ATP5MC2: variants seen among roughly 807,000 people sequenced by gnomAD.
ATP5MC2 encodes ATP synthase F(0) complex subunit C2, mitochondrial.
A neutral mutation model predicts 13.5 loss-of-function variants in ATP5MC2; 11 were observed. The observed-to-expected ratio is 0.81, with a 90% confidence interval of 0.51 to 1.35. The LOEUF is 1.35. Ranked by LOEUF, ATP5MC2 falls within the 40% of genes most tolerant of loss-of-function variation. The pLI is 0.00. For missense variants in ATP5MC2, 132 were observed against 175.0 expected (o/e 0.75, Z 1.39); for synonymous variants, 64 against 69.7 (o/e 0.92, Z 0.41).
intron 2 of ATP5MC2, among the ~76,000 whole-genome samples, chr12:53,671,240 T>G (rs1328844196): frequency 2.0e-5 from 3 of 152,240 alleles, no homozygotes; most frequent in Non-Finnish European, 4.4e-5. Context: ...CAGCAGTGTA[T>G]TCTCAGGATA....
chr12:53,667,950 C>CATATATATATAT lies in ATP5MC2; in HGVS notation c.311+1197_311+1198insATATATATATAT, dbSNP rs1281755104. ...AAACATTCTAATACATACATACATA[C>CATATATATATAT]ACACACATATATATATATATATATA... On this transcript the variant is annotated intron_variant, in intron 4 of 4. Transcript: ENST00000394349. Among the ~76,000 whole-genome samples the CATATATATATAT allele has an allele frequency of 1.9e-4, 7 of 37,266 alleles. 1 individual carries two copies. Among genetic ancestry groups the CATATATATATAT allele is most frequent in the African/African-American group, 5.7e-4 (7 of 12,200 alleles). 24.4% of individuals were successfully genotyped at this position (37,266 alleles called of 152,430 possible).
chr12:53,668,909 C>T (rs1945010952), intron 4 of ATP5MC2, among the ~76,000 whole-genome samples: 1 of 151,970 alleles, frequency 6.6e-6, no homozygotes, highest in Non-Finnish European at 1.5e-5. Context: ...ATCCCAGCTA[C>T]TTGGGAGGCT....
rs1406444157 is a variant in ATP5MC2, at chr12:53,669,959, T to C, written c.40-11A>G. 1 of 1,613,500 alleles carries C rather than the reference T, an allele frequency of 6.2e-7. No individual in the cohort carries two copies. The highest frequency in any genetic ancestry group is 1.6e-4 in the Middle Eastern group (1 of 6,062). ...TGAGGTGCTCTTGACCTAGCAGGAA[T>C]GACATACAGGGGCAGGAAGGTCAAG... On this transcript the variant is annotated splice_polypyrimidine_tract_variant and intron_variant, in intron 2 of 4. Coordinates refer to ENST00000394349, the MANE Select transcript of ATP5MC2 (RefSeq NM_005176.7).
chr12:53,667,954 C>CAT (rs1464740488), intron 4 of ATP5MC2, among the ~76,000 whole-genome samples: 26 of 26,946 alleles, frequency 9.6e-4, no homozygotes, highest in African/African-American at 1.4e-3. Context: ...TACATACACA[C>CAT]ACATATATAT....
chr12:53,669,667 A>G (rs1945035449), intron 3 of ATP5MC2, among the ~76,000 whole-genome samples: 2 of 152,232 alleles, frequency 1.3e-5, no homozygotes, highest in Non-Finnish European at 2.9e-5. Context: ...GCACAGGGGC[A>G]TGTGCTGCCA....
chr12:53,672,096 A>AT (rs1196626649), intron 2 of ATP5MC2, among the ~76,000 whole-genome samples: 3 of 148,646 alleles, frequency 2.0e-5, no homozygotes, highest in African/African-American at 7.7e-5. Context: ...AAAAAAAAAA[A>AT]AAAAAAAAAT....
At chr12:53,670,698 C>T (rs1945071219) in intron 2 of ATP5MC2, among the ~76,000 whole-genome samples, 1 of 151,516 alleles carries the variant, frequency 6.6e-6, no homozygotes, top group Non-Finnish European at 1.5e-5. Flanking sequence ...GCTCGGCTCA[C>T]TACAACCTCC....
At chr12:53,667,849 C>T (rs531224649) in intron 4 of ATP5MC2, among the ~76,000 whole-genome samples, 2 of 151,562 alleles carry the variant, frequency 1.3e-5, no homozygotes, top group Non-Finnish European at 2.9e-5. Flanking sequence ...CAGATTTGGC[C>T]CTTAGGCCTT....
upstream of ATP5MC2, chr12:53,676,358 T>A (rs1194822698): frequency 6.0e-6 from 6 of 1,001,902 alleles, no homozygotes; most frequent in Admixed American, 6.1e-5. Flanking sequence ...GTTTGGGATC[T>A]CGGACTTGCG....
intron 3 of ATP5MC2, among the ~76,000 whole-genome samples, 162 bp downstream of exon 3, chr12:53,669,709 T>C (rs1800634): frequency 0.81 from 123,436 of 152,150 alleles, 50,949 homozygotes; most frequent in East Asian, 1. Context: ...TAGCATACAG[T>C]GTATTAAGTG....
At chr12:53,674,072 G>A (rs780387065) in intron 1 of ATP5MC2, 2 of 152,252 alleles carry the variant, frequency 1.3e-5, no homozygotes, top group African/African-American at 2.4e-5. Context: ...GGGGGAGCTA[G>A]GTTCAGTGGC....
chr12:53,676,412 A>C, upstream of ATP5MC2: 1 of 587,618 alleles, frequency 1.7e-6, no homozygotes, highest in Non-Finnish European at 2.9e-6. Context: ...CCAAAACAAA[A>C]CTCCTACTCA....
chr12:53,667,956 CATAT>C (rs772110168), intron 4 of ATP5MC2, among the ~76,000 whole-genome samples: 3,709 of 66,868 alleles, frequency 0.055, 174 homozygotes, highest in East Asian at 0.18. Context: ...CATACACACA[CATAT>C]ATATATATAT....
At chr12:53,672,248 GTC>G (rs1945121869) in intron 2 of ATP5MC2, among the ~76,000 whole-genome samples, 1 of 152,090 alleles carries the variant, frequency 6.6e-6, no homozygotes, top group Admixed American at 6.5e-5. Context: ...TTGAGACAGA[GTC>G]TTGCTCTGAC....
chr12:53,670,496 T>G (rs1945064630), intron 2 of ATP5MC2, among the ~76,000 whole-genome samples: 1 of 152,200 alleles, frequency 6.6e-6, no homozygotes, highest in Non-Finnish European at 1.5e-5. Flanking sequence ...TGTTTACCCC[T>G]GTGATTGGGC....
chr12:53,667,969 A>T (rs1944975123), intron 4 of ATP5MC2, among the ~76,000 whole-genome samples: 1 of 48,118 alleles, frequency 2.1e-5, no homozygotes, highest in African/African-American at 1.3e-4. Flanking sequence ...ATATATATAT[A>T]TATATATATA....
At chr12:53,669,600 T>C (rs1287400074) in intron 3 of ATP5MC2, among the ~76,000 whole-genome samples, 1 of 152,172 alleles carries the variant, frequency 6.6e-6, no homozygotes, top group Non-Finnish European at 1.5e-5. Context: ...TTCCTAGGAC[T>C]AAATGCTTCC....
chr12:53,675,918 G>C, intron 1 of ATP5MC2, 135 bp downstream of exon 1: 1 of 1,336,622 alleles, frequency 7.5e-7, no homozygotes, highest in African/African-American at 1.5e-5. Flanking sequence ...TAAGGCTAAG[G>C]GATAGCGGAA....
chr12:53,665,183 GTATT>G lies in ATP5MC2; in HGVS notation c.*127_*130del. 1 of 649,672 alleles carries G rather than the reference GTATT, an allele frequency of 1.5e-6. No individual in the cohort carries two copies. The highest frequency in any genetic ancestry group is 2.7e-5 in the East Asian group (1 of 36,416). The allele number at this position is 649,672 out of a possible 1,614,324, so 40.2% of individuals were successfully genotyped here. A position where few individuals can be genotyped will look rare whatever the true frequency, so the allele number is the denominator to read the frequency against. ...ACTCAAGAAACATCTTATTAATACAGTATTTATTTGTCTTTTCTCTGTCAAACCC... is the reference window on the plus strand; with the variant it reads ...ACTCAAGAAACATCTTATTAATACAGTATTTGTCTTTTCTCTGTCAAACCC... On this transcript the variant is annotated 3_prime_UTR_variant, in exon 5 of 5. Coordinates refer to ENST00000394349, the MANE Select transcript of ATP5MC2 (RefSeq NM_005176.7).
Sources: gnomAD v4.1 joint callset for allele counts (sites outside exome capture counted in the v4.1 genomes callset) on GRCh38, gnomAD v4.1.1 for gene constraint, MANE v1.5 for transcripts, NCBI Gene and HGNC (gene_info 2026-07-23, HGNC 2026-07-21) for gene names.